The following KCNK10 variants were observed in gnomAD, a reference collection of about 807,000 sequenced individuals.
The protein encoded by KCNK10 is potassium two pore domain channel subfamily K member 10.
A neutral mutation model predicts 47.7 loss-of-function variants in KCNK10; 25 were observed. The ratio of observed to expected loss-of-function variants is 0.52; its 90% CI spans 0.38 to 0.73. The LOEUF (loss-of-function observed/expected upper bound fraction) is 0.73, where lower values mean the gene tolerates loss of function less well. Among genes scored for constraint, KCNK10 ranks in the 30% least tolerant of loss-of-function variants. The probability of loss-of-function intolerance (pLI) is 0.00; values close to 1 mark genes in which losing one functional copy is unlikely to be tolerated. For missense variants in KCNK10, 563 were observed against 714.5 expected, an observed-to-expected ratio of 0.79 and a Z score of 2.42; for synonymous variants, 303 against 285.6, an observed-to-expected ratio of 1.06 and a Z score of -0.61.
chr14:88,250,524 G>A (rs139950509), intron 2 of KCNK10, among the ~76,000 whole-genome samples: 51 of 152,242 alleles, frequency 3.3e-4, no homozygotes, highest in African/African-American at 1.1e-3. Context: ...TTGAAATAGG[G>A]GATGGCCCAG....
At chr14:88,267,941 G>T (rs556762799) in intron 1 of KCNK10, among the ~76,000 whole-genome samples, 1 of 152,056 alleles carries the variant, frequency 6.6e-6, no homozygotes, top group East Asian at 1.9e-4. Flanking sequence ...CACTACATTC[G>T]GTCCTCACTA....
intron 1 of KCNK10, among the ~76,000 whole-genome samples, chr14:88,303,667 T>C (rs1888151256): frequency 6.6e-6 from 1 of 152,000 alleles, no homozygotes; most frequent in Non-Finnish European, 1.5e-5. Context: ...GGGACGGCCT[T>C]AGGTAGGAAA....
chr14:88,326,492 T>G (rs762084380), upstream of KCNK10: 17 of 1,571,102 alleles, frequency 1.1e-5, no homozygotes, highest in Non-Finnish European at 1.4e-5. Flanking sequence ...TCTGTCTCCC[T>G]CTGTGCCGCC....
intron 1 of KCNK10, among the ~76,000 whole-genome samples, chr14:88,319,493 T>C (rs1419601017): frequency 6.6e-6 from 1 of 152,090 alleles, no homozygotes; most frequent in African/African-American, 2.4e-5. Context: ...ATCCAGAACC[T>C]CCAAAACAGA....
intron 2 of KCNK10, among the ~76,000 whole-genome samples, chr14:88,242,459 A>G (rs1462976422): frequency 6.6e-6 from 1 of 152,220 alleles, no homozygotes; most frequent in Non-Finnish European, 1.5e-5. Context: ...TGGCAGACTC[A>G]TAGACAATTG....
intron 1 of KCNK10, among the ~76,000 whole-genome samples, chr14:88,318,540 C>T (rs557416425): frequency 2.6e-5 from 4 of 152,302 alleles, no homozygotes; most frequent in South Asian, 2.1e-4. Flanking sequence ...GAATCCCTTG[C>T]TAACAAGAGG....
chr14:88,208,680 T>TA (rs1037040872), intron 4 of KCNK10, among the ~76,000 whole-genome samples: 1 of 152,132 alleles, frequency 6.6e-6, no homozygotes, highest in Non-Finnish European at 1.5e-5. Context: ...ATTTATTTTT[T>TA]AAAAAAAATC....
Position 88,184,238 on chromosome 14 carries a change from G to T in KCNK10, c.*1297C>A, listed in dbSNP as rs910381980. On this transcript the variant is annotated 3_prime_UTR_variant, in exon 7 of 7. Coordinates refer to ENST00000319231, the MANE Select transcript of KCNK10 (RefSeq NM_138317.3). The stretch of plus-strand genomic sequence containing the variant: ...TTTGCCTGGGAACAATCAGTCTAGG[G>T]TGTTCCAGTTTTAGTGAGTAACCGA... 6.6e-6 allele frequency: 1 copy of T among 152,316 alleles called. No homozygotes were observed. The highest frequency in any genetic ancestry group is 6.5e-5 in the Admixed American group (1 of 15,286). The allele number at this position is 152,316 out of a possible 1,614,324, so 9.4% of individuals were successfully genotyped here.
At chr14:88,326,103 C>G (rs1022553189), upstream of KCNK10, among the ~76,000 whole-genome samples, 2 of 146,016 alleles carry the variant, frequency 1.4e-5, no homozygotes, top group East Asian at 4.0e-4. Flanking sequence ...TTCTTTTCCC[C>G]ACCTCCAACC....
At chr14:88,309,515 T>C (rs903845107) in intron 1 of KCNK10, among the ~76,000 whole-genome samples, 7 of 152,156 alleles carry the variant, frequency 4.6e-5, no homozygotes, top group Non-Finnish European at 1.0e-4. Flanking sequence ...GGTGGGAGGA[T>C]TGATTGAGCC....
chr14:88,315,170 A>C (rs1023988196), intron 1 of KCNK10, among the ~76,000 whole-genome samples: 2 of 152,184 alleles, frequency 1.3e-5, no homozygotes, highest in African/African-American at 4.8e-5. Context: ...TTATTGTAAG[A>C]ATGTAGAGGC....
At chr14:88,308,595 C>T (rs1216585222) in intron 1 of KCNK10, among the ~76,000 whole-genome samples, 2 of 152,258 alleles carry the variant, frequency 1.3e-5, no homozygotes, top group African/African-American at 4.8e-5. Flanking sequence ...GGCACAGGCA[C>T]ACTTGTGTGC....
At position 88,180,643 on chromosome 14, in the gene KCNK10, C is replaced by T. The variant is rs369638548; in HGVS notation, c.*4892G>A. 1.2e-4 allele frequency: 48 copies of T among 397,262 alleles called. No individual in the cohort carries two copies. Among genetic ancestry groups the T allele is most frequent in the African/African-American group, 9.0e-4 (44 of 48,714 alleles). The allele number at this position is 397,262 out of a possible 1,614,324, so 24.6% of individuals were successfully genotyped here. On this transcript the variant is annotated 3_prime_UTR_variant, in exon 7 of 7. Transcript: ENST00000319231. ...CACAAAGTAGATACCAAATCTCAGG[C>T]ACCTGTGAAAATGATAATAACTTTC... is the stretch of plus-strand genomic sequence containing the variant.
chr14:88,288,563 C>T (rs1887815680), intron 1 of KCNK10, among the ~76,000 whole-genome samples: 1 of 152,192 alleles, frequency 6.6e-6, no homozygotes, highest in South Asian at 2.1e-4. Context: ...CCTAACCTGC[C>T]TGCCAAAATG....
intron 2 of KCNK10, among the ~76,000 whole-genome samples, chr14:88,242,622 G>T (rs748191531): frequency 6.6e-6 from 1 of 152,166 alleles, no homozygotes; most frequent in Non-Finnish European, 1.5e-5. Flanking sequence ...TGGCTGCATG[G>T]GATGTGTACA....
intron 1 of KCNK10, among the ~76,000 whole-genome samples, chr14:88,297,044 A>G (rs1051818859): frequency 6.6e-6 from 1 of 152,268 alleles, no homozygotes; most frequent in Non-Finnish European, 1.5e-5. Context: ...ATGTAGTACA[A>G]TAGAACATTT....
chr14:88,320,836 T>C (rs1400731308), intron 1 of KCNK10, among the ~76,000 whole-genome samples: 2 of 152,166 alleles, frequency 1.3e-5, no homozygotes, highest in Non-Finnish European at 2.9e-5. Context: ...AAACTCTTCA[T>C]TGGCTTTAGA....
At chr14:88,272,483 G>C (rs900981866) in intron 1 of KCNK10, among the ~76,000 whole-genome samples, 1 of 152,086 alleles carries the variant, frequency 6.6e-6, no homozygotes. Flanking sequence ...AACAGCAATG[G>C]GGGGGCAACA....
chr14:88,244,739 G>A (rs1308006368), intron 2 of KCNK10, among the ~76,000 whole-genome samples: 1 of 152,184 alleles, frequency 6.6e-6, no homozygotes, highest in Admixed American at 6.5e-5. Context: ...TAGAATGTAT[G>A]AGCACACAGA....
Sources: allele counts gnomAD v4.1 joint callset (sites outside exome capture counted in the v4.1 genomes callset), GRCh38; gene constraint gnomAD v4.1.1; transcripts MANE v1.5; gene names NCBI Gene and HGNC (gene_info 2026-07-23, HGNC 2026-07-21).